The following CADPS2 variants were observed in gnomAD, a reference collection of about 807,000 sequenced individuals.
The protein encoded by CADPS2 is calcium dependent secretion activator 2.
CADPS2 carries 93 observed loss-of-function variants against 172.5 expected under a neutral mutation model. The observed-to-expected ratio is 0.54, with a 90% CI of 0.46 to 0.64. The LOEUF is 0.64. Ranked by LOEUF, CADPS2 falls within the 30% of genes least tolerant of loss-of-function variation. CADPS2 has a pLI of 0.00. For synonymous variants in CADPS2, 546 were observed against 555.2 expected (o/e 0.98, Z 0.23); for missense variants, 1,420 against 1,565.9 (o/e 0.91, Z 1.57).
chr7:122,560,376 A>G (rs918601405), intron 7 of CADPS2, among the ~76,000 whole-genome samples: 1 of 152,208 alleles, frequency 6.6e-6, no homozygotes, highest in African/African-American at 2.4e-5. Flanking sequence ...CTATATAGGT[A>G]ACATTTAGTA....
At chr7:122,338,965 A>G (rs1417938742) in intron 28 of CADPS2, 2 of 150,572 alleles carry the variant, frequency 1.3e-5, no homozygotes, top group Non-Finnish European at 2.9e-5. Context: ...AGGTCTTGCA[A>G]TGTTGCTCAG....
chr7:122,646,649 G>T (rs1167750475), intron 3 of CADPS2, among the ~76,000 whole-genome samples: 1 of 152,112 alleles, frequency 6.6e-6, no homozygotes, highest in East Asian at 1.9e-4. Flanking sequence ...ACATGAGAAG[G>T]AACAGTTGAA....
chr7:122,661,399 AT>A (rs2135323489), intron 3 of CADPS2, among the ~76,000 whole-genome samples: 1 of 152,284 alleles, frequency 6.6e-6, no homozygotes, highest in Non-Finnish European at 1.5e-5. Flanking sequence ...ACTTAAACAT[AT>A]TTTAAGTTAA....
intron 22 of CADPS2, among the ~76,000 whole-genome samples, chr7:122,392,992 G>A (rs1431675113): frequency 2.6e-5 from 4 of 151,486 alleles, no homozygotes; most frequent in East Asian, 1.9e-4. Flanking sequence ...TTAAACTAGC[G>A]TGTTTTTTCT....
At chr7:122,401,931 C>T (rs1563245826) in intron 20 of CADPS2, among the ~76,000 whole-genome samples, 1 of 152,124 alleles carries the variant, frequency 6.6e-6, no homozygotes, top group Non-Finnish European at 1.5e-5. Flanking sequence ...CATTTCATCT[C>T]CAAGGGTTCT....
chr7:122,719,465 A>G (rs912456537), intron 2 of CADPS2, among the ~76,000 whole-genome samples: 1 of 152,170 alleles, frequency 6.6e-6, no homozygotes, highest in African/African-American at 2.4e-5. Flanking sequence ...GGCATGTGCA[A>G]TGACGCCAAT....
intron 1 of CADPS2, among the ~76,000 whole-genome samples, chr7:122,833,062 C>T (rs989256804): frequency 2.0e-5 from 3 of 152,180 alleles, no homozygotes; most frequent in Admixed American, 2.0e-4. Flanking sequence ...AAGATAGATT[C>T]ACTATCCATG....
At chr7:122,684,887 G>C (rs1410285891) in intron 2 of CADPS2, among the ~76,000 whole-genome samples, 3 of 151,860 alleles carry the variant, frequency 2.0e-5, no homozygotes, top group Non-Finnish European at 2.9e-5. Context: ...AAGTTCCAAA[G>C]TAAAAATGGA....
chr7:122,333,146 G>A (rs1036395781), intron 28 of CADPS2, among the ~76,000 whole-genome samples: 8 of 152,074 alleles, frequency 5.3e-5, no homozygotes, highest in East Asian at 1.9e-4. Context: ...TGAATGATTC[G>A]TTTAGGCAAT....
chr7:122,873,047 C>G (rs1159034871), intron 1 of CADPS2, among the ~76,000 whole-genome samples: 2 of 151,958 alleles, frequency 1.3e-5, no homozygotes, highest in Non-Finnish European at 2.9e-5. Flanking sequence ...ACAGAAATGC[C>G]CTTAAACACA....
intron 3 of CADPS2, among the ~76,000 whole-genome samples, chr7:122,646,248 A>C (rs2471197): frequency 0.53 from 81,143 of 151,856 alleles, 21,912 homozygotes; most frequent in East Asian, 0.72. Flanking sequence ...GCCCAACAAT[A>C]GGAAACACAA....
At chr7:122,434,362 A>G (rs983521) in intron 17 of CADPS2, among the ~76,000 whole-genome samples, 41,443 of 151,932 alleles carry the variant, frequency 0.27, 6,104 homozygotes, top group East Asian at 0.38. Context: ...AAAGAAATAG[A>G]GCCCTTAATA....
intron 2 of CADPS2, among the ~76,000 whole-genome samples, chr7:122,730,933 C>T (rs1306737380): frequency 6.6e-6 from 1 of 151,296 alleles, no homozygotes; most frequent in Non-Finnish European, 1.5e-5. Flanking sequence ...AGAATTAGAA[C>T]ATTTTTGAGA....
chr7:122,632,037 T>C (rs2076625900), intron 3 of CADPS2, among the ~76,000 whole-genome samples: 1 of 152,108 alleles, frequency 6.6e-6, no homozygotes, highest in Non-Finnish European at 1.5e-5. Context: ...TTTTTTAGGG[T>C]TGTGTAATAA....
chr7:122,588,560 AATGAT>A (rs1333999821), intron 6 of CADPS2, among the ~76,000 whole-genome samples: 2 of 151,988 alleles, frequency 1.3e-5, no homozygotes, highest in East Asian at 3.9e-4. Context: ...TTAAGATTAA[AATGAT>A]ATAACAGATT....
intron 6 of CADPS2, among the ~76,000 whole-genome samples, chr7:122,596,038 A>T (rs2071716787): frequency 6.6e-6 from 1 of 152,024 alleles, no homozygotes; most frequent in African/African-American, 2.4e-5. Flanking sequence ...CAAGCAGTGA[A>T]ACCTGGTAAT....
chr7:122,637,397 T>C (rs1304908411), intron 3 of CADPS2, among the ~76,000 whole-genome samples: 2 of 151,976 alleles, frequency 1.3e-5, no homozygotes, highest in African/African-American at 2.4e-5. Flanking sequence ...CTCAAACTCA[T>C]GGGCTTAAGT....
At chr7:122,388,777 G>C (rs753336152) in intron 22 of CADPS2, 39 bp from the exon 23 acceptor site, 1 of 1,550,498 alleles carries the variant, frequency 6.4e-7, no homozygotes, top group East Asian at 2.3e-5. Flanking sequence ...TGAACTCCCC[G>C]TTAATTAGGT....
At chr7:122,626,070 A>G (rs936413859) in intron 4 of CADPS2, among the ~76,000 whole-genome samples, 4 of 152,182 alleles carry the variant, frequency 2.6e-5, no homozygotes, top group Non-Finnish European at 5.9e-5. Context: ...GAGCAAGGGC[A>G]AGAGTTTAGT....
Sources: gnomAD v4.1 joint callset for allele counts (sites outside exome capture counted in the v4.1 genomes callset) on GRCh38, gnomAD v4.1.1 for gene constraint, MANE v1.5 for transcripts, NCBI Gene and HGNC (gene_info 2026-07-23, HGNC 2026-07-21) for gene names.